The following AGAP1 variants were observed in gnomAD, a reference collection of about 807,000 sequenced individuals.
AGAP1 encodes the protein ArfGAP with GTPase domain, ankyrin repeat and PH domain 1.
Under a neutral mutation model 105.3 loss-of-function variants are expected in AGAP1, and 29 were observed. That is an observed-to-expected ratio of 0.28 (90% confidence interval 0.21 to 0.38). The LOEUF (loss-of-function observed/expected upper bound fraction) is 0.38. Ranked by LOEUF, AGAP1 falls within the 10% of genes least tolerant of loss-of-function variation. AGAP1 has a pLI of 1.00. For synonymous variants in AGAP1, 509 were observed against 485.9 expected (o/e 1.05, Z -0.63); for missense variants, 998 against 1,165.1 (o/e 0.86, Z 2.09).
In AGAP1 at chr2:235,622,504, G is replaced by C. The variant is rs973238732; in HGVS notation, c.164-86675G>C. Among the ~76,000 whole-genome samples the C allele has an allele frequency of 2.0e-5, 3 of 152,126 alleles. No homozygotes were observed. The highest frequency in any genetic ancestry group is 7.2e-5 in the African/African-American group (3 of 41,438). On this transcript the variant is annotated intron_variant, in intron 1 of 17. Transcript: ENST00000304032. This position sits in a 1 kb window ranked among gnomAD's most constrained non-coding sequence, Gnocchi z 5.0. ...GTCTGGGATCTGAAGACAGCAGTTG[G>C]GGAGGACAGTGTTGGCTGCTGCTGT...
Position 235,927,572 on chromosome 2 carries a change from A to G in AGAP1, c.1325-3193A>G, listed in dbSNP as rs1045577533. On this transcript the variant is annotated intron_variant, in intron 11 of 17. Transcript: ENST00000304032. This position sits in a 1 kb window ranked among gnomAD's most constrained non-coding sequence, Gnocchi z 4.4. Reference sequence around the variant, plus strand: ...CTCATAAACCTAAGATGAGTTCTTGATCAGCAACCTCCATTGGAACATTTC... The same window carrying G: ...CTCATAAACCTAAGATGAGTTCTTGGTCAGCAACCTCCATTGGAACATTTC... 4.2e-4 allele frequency among the ~76,000 whole-genome samples: 64 copies of G among 152,202 alleles called. 1 individual carries two copies. The highest frequency in any genetic ancestry group is 8.8e-5 in the Non-Finnish European group (6 of 68,036).
intron 1 of AGAP1, among the ~76,000 whole-genome samples, chr2:235,515,086 G>A (rs550515502): frequency 5.3e-4 from 81 of 152,260 alleles, no homozygotes; most frequent in African/African-American, 1.8e-3. Context: ...TTAAGCAGAT[G>A]GTCTTTGCCT....
intron 1 of AGAP1, among the ~76,000 whole-genome samples, chr2:235,509,580 A>G (rs1941984369): frequency 6.6e-6 from 1 of 152,080 alleles, no homozygotes; most frequent in Non-Finnish European, 1.5e-5. Flanking sequence ...AAAGTTTACC[A>G]TTTGATGAGT....
rs902212643 is a variant in AGAP1 at position 235,893,708 on chromosome 2, T to C, written c.1155+10259T>C. ...TATGTCATTGAGGAGGAGGGCTGTG[T>C]TCCCCACAGTCTGCCCAGGGGCTGT... On this transcript the variant is annotated intron_variant, in intron 10 of 17. Transcript: ENST00000304032. The surrounding 1 kb of genome is among the most constrained non-coding windows in gnomAD (Gnocchi z 4.7). Among the ~76,000 whole-genome samples the C allele has an allele frequency of 2.0e-5, 3 of 152,166 alleles. No homozygotes were observed. Among genetic ancestry groups the C allele is most frequent in the Non-Finnish European group, 4.4e-5 (3 of 68,034 alleles).
chr2:236,016,047 AAAAG>A (rs10672263), intron 13 of AGAP1, among the ~76,000 whole-genome samples: 1 of 151,722 alleles, frequency 6.6e-6, no homozygotes, highest in African/African-American at 2.4e-5. Context: ...AAAAAAAAGA[AAAAG>A]AAATCTGGAA....
intron 11 of AGAP1, among the ~76,000 whole-genome samples, chr2:235,925,973 C>T (rs565488899): frequency 1.2e-3 from 179 of 152,276 alleles, no homozygotes; most frequent in Middle Eastern, 3.4e-3. Context: ...CAGTTGCCCT[C>T]GAGTACTTTG....
chr2:235,906,517 G>A lies in AGAP1; in HGVS notation c.1156-2221G>A, dbSNP rs776372288. Among the ~76,000 whole-genome samples, 5 of 152,124 alleles carry A rather than the reference G, an allele frequency of 3.3e-5. No homozygotes were observed. The highest frequency in any genetic ancestry group is 6.5e-5 in the Admixed American group (1 of 15,280). On this transcript the variant is annotated intron_variant, in intron 10 of 17. Transcript: ENST00000304032. The surrounding 1 kb of genome is among the most constrained non-coding windows in gnomAD (Gnocchi z 5.3). ...GTATTTATCTGCCAGAGTGTCCCCC[G>A]CCAGTGTGGCTGTGCCCTCATGTAA...
chr2:235,777,164 C>T lies in AGAP1; in HGVS notation c.674-20595C>T. 1 of 412,840 alleles carries T rather than the reference C, an allele frequency of 2.4e-6. No individual in the cohort carries two copies. The highest frequency in any genetic ancestry group is 1.8e-5 in the South Asian group (1 of 54,714). 25.6% of individuals were successfully genotyped at this position (412,840 alleles called of 1,614,324 possible). On this transcript the variant is annotated intron_variant, in intron 6 of 17. Coordinates refer to ENST00000304032, the MANE Select transcript of AGAP1 (RefSeq NM_001037131.3). The surrounding 1 kb of genome is among the most constrained non-coding windows in gnomAD (Gnocchi z 5.1). ...ACGAGGTCAGGAGATCGAGACCATCCTGGCTAACACAGTGAAACCCTGTCT... is the reference window on the plus strand; with the variant it reads ...ACGAGGTCAGGAGATCGAGACCATCTTGGCTAACACAGTGAAACCCTGTCT...
rs553718603 is a variant in AGAP1, at chr2:236,089,321, C to T, written c.2115-30871C>T. Among the ~76,000 whole-genome samples, 51 of 152,340 alleles carry T rather than the reference C, an allele frequency of 3.3e-4. No homozygotes were observed. Among genetic ancestry groups the T allele is most frequent in the African/African-American group, 1.2e-3 (49 of 41,584 alleles). ...GTTTCCCTGGGCATTGCTACATATT[C>T]CTTGCTCTTCCGTAAAGGACACATG... On this transcript the variant is annotated intron_variant, in intron 16 of 17. Coordinates refer to ENST00000304032, the MANE Select transcript of AGAP1 (RefSeq NM_001037131.3). This position sits in a 1 kb window ranked among gnomAD's most constrained non-coding sequence, Gnocchi z 5.6.
chr2:235,939,487 C>T (rs2053152082), intron 12 of AGAP1, among the ~76,000 whole-genome samples: 1 of 152,072 alleles, frequency 6.6e-6, no homozygotes, highest in African/African-American at 2.4e-5. Flanking sequence ...TACATACCTG[C>T]TCGGCCATCG....
At chr2:235,885,982 C>T (rs778517597) in intron 10 of AGAP1, among the ~76,000 whole-genome samples, 5 of 152,224 alleles carry the variant, frequency 3.3e-5, no homozygotes, top group Non-Finnish European at 7.3e-5. Flanking sequence ...ATGTAATACC[C>T]ATTCCATGAC....
chr2:235,969,584 C>G (rs889160338), intron 13 of AGAP1, among the ~76,000 whole-genome samples: 2 of 152,132 alleles, frequency 1.3e-5, no homozygotes, highest in African/African-American at 4.8e-5. Context: ...TCCAGATACT[C>G]TACTTGATCG....
In AGAP1 at chr2:235,556,963, T is replaced by C. The variant is rs369626988; in HGVS notation, c.163+62114T>C. 2.6e-5 allele frequency among the ~76,000 whole-genome samples: 4 copies of C among 152,300 alleles called. No homozygotes were observed. The highest frequency in any genetic ancestry group is 3.9e-4 in the East Asian group (2 of 5,172). On this transcript the variant is annotated intron_variant, in intron 1 of 17. Transcript: ENST00000304032. This position sits in a 1 kb window ranked among gnomAD's most constrained non-coding sequence, Gnocchi z 5.3. Reference sequence around the variant, plus strand: ...TCCAGGTTTGATCATTTTCTGAGGATATAGCGTTTAGTGCACACCTCTTTT... The same window carrying C: ...TCCAGGTTTGATCATTTTCTGAGGACATAGCGTTTAGTGCACACCTCTTTT...
chr2:235,806,544 G>A (rs1007365175), intron 8 of AGAP1, among the ~76,000 whole-genome samples: 4 of 152,086 alleles, frequency 2.6e-5, no homozygotes, highest in African/African-American at 7.2e-5. Flanking sequence ...CTCGTCGTCC[G>A]CAGCACGTCA....
At chr2:236,043,268 A>T (rs867024037) in intron 15 of AGAP1, among the ~76,000 whole-genome samples, 3 of 152,324 alleles carry the variant, frequency 2.0e-5, no homozygotes, top group South Asian at 4.1e-4. Context: ...TACTCCAGGA[A>T]CTAAACCAAT....
rs1325540293 is a variant in AGAP1, at chr2:235,553,177, C to T, written c.163+58328C>T. Among the ~76,000 whole-genome samples, 1 of 151,916 alleles carries T rather than the reference C, an allele frequency of 6.6e-6. No homozygotes were observed. The highest frequency in any genetic ancestry group is 1.9e-4 in the East Asian group (1 of 5,170). On this transcript the variant is annotated intron_variant, in intron 1 of 17. Coordinates refer to ENST00000304032, the MANE Select transcript of AGAP1 (RefSeq NM_001037131.3). The surrounding 1 kb of genome is among the most constrained non-coding windows in gnomAD (Gnocchi z 4.5). ...GAGAAACAGCAGGTATATTTGAAAA[C>T]CAAGAAGATGGTGAACTAACATTCT...
chr2:235,553,032 C>A lies in AGAP1; in HGVS notation c.163+58183C>A, dbSNP rs1943862966. On this transcript the variant is annotated intron_variant, in intron 1 of 17. Transcript: ENST00000304032. The surrounding 1 kb of genome is among the most constrained non-coding windows in gnomAD (Gnocchi z 4.5). ...TTTCAGTTTTCAGTCAGCTCCCTAG[C>A]TGGGTGGTTCCTCTGAGCCTCTGCT... Among the ~76,000 whole-genome samples the A allele has an allele frequency of 6.6e-6, 1 of 152,212 alleles. No homozygotes were observed. The highest frequency in any genetic ancestry group is 2.4e-5 in the African/African-American group (1 of 41,452).
At chr2:235,786,141 C>G (rs1480415385) in intron 6 of AGAP1, among the ~76,000 whole-genome samples, 1 of 152,180 alleles carries the variant, frequency 6.6e-6, no homozygotes, top group Admixed American at 6.5e-5. Context: ...TCTTTGAGAT[C>G]CTTGCCTGCC....
intron 1 of AGAP1, among the ~76,000 whole-genome samples, chr2:235,562,323 G>A (rs1344281386): frequency 2.0e-5 from 3 of 152,148 alleles, no homozygotes; most frequent in Admixed American, 2.0e-4. Flanking sequence ...TCTGTGGCGT[G>A]AGGAGTGGAA....
Sources: gnomAD v4.1 joint callset for allele counts (sites outside exome capture counted in the v4.1 genomes callset) on GRCh38, gnomAD v4.1.1 for gene constraint, Gnocchi (gnomAD v3.1) non-coding constraint, MANE v1.5 for transcripts, NCBI Gene and HGNC (gene_info 2026-07-23, HGNC 2026-07-21) for gene names.